Variants in NID1 observed in about 807,000 individuals in gnomAD.
NID1 encodes the protein nidogen 1, also known as nidogen-1.
A neutral mutation model predicts 130.6 loss-of-function variants in NID1; 76 were observed. That is an observed-to-expected ratio of 0.58 (90% CI 0.48 to 0.70). The LOEUF (loss-of-function observed/expected upper bound fraction) is 0.70. Ranked by LOEUF, NID1 falls within the 30% of genes least tolerant of loss-of-function variation. The pLI, the probability that NID1 is intolerant of heterozygous loss-of-function variation, is 0.00. For synonymous variants in NID1, 665 were observed against 675.1 expected, an observed-to-expected ratio of 0.98 and a Z score of 0.23; for missense variants, 1,517 against 1,664.8, an observed-to-expected ratio of 0.91 and a Z score of 1.54.
intron 5 of NID1, among the ~76,000 whole-genome samples, chr1:236,034,976 T>TTC (rs1293568031): frequency 8.8e-6 from 1 of 113,542 alleles, no homozygotes. Context: ...GAGTTTTCTT[T>TTC]TTTTTTTCTT....
At chr1:236,041,478 C>T (rs950489447) in intron 4 of NID1, among the ~76,000 whole-genome samples, 7 of 152,092 alleles carry the variant, frequency 4.6e-5, no homozygotes, top group Admixed American at 1.3e-4. Context: ...ATTCTAATTC[C>T]AAAACCAAGA....
At chr1:235,993,575 G>A (rs1572581884) in intron 13 of NID1, 70 bp downstream of exon 13, 1 of 1,328,242 alleles carries the variant, frequency 7.5e-7, no homozygotes, top group Non-Finnish European at 1.0e-6. Flanking sequence ...AGCAAAGAGC[G>A]TGTTCAGCAA....
chr1:236,012,211 T>C (rs1373097662), intron 11 of NID1, among the ~76,000 whole-genome samples, 168 bp from the exon 12 acceptor site: 1 of 152,166 alleles, frequency 6.6e-6, no homozygotes, highest in Non-Finnish European at 1.5e-5. Flanking sequence ...CTCCCCAATA[T>C]CTATCTGTCG....
intron 1 of NID1, among the ~76,000 whole-genome samples, chr1:236,060,260 T>G (rs1014915525): frequency 1.3e-5 from 2 of 152,158 alleles, no homozygotes; most frequent in East Asian, 3.8e-4. Context: ...TTTCTGACAT[T>G]TCCATGGCAT....
Position 235,980,505 on chromosome 1 carries a change from C to G in NID1, c.3376G>C (p.Val1126Leu). 3 of 1,614,112 alleles carry G rather than the reference C, an allele frequency of 1.9e-6. No individual in the cohort carries two copies. Among genetic ancestry groups the G allele is most frequent in the Non-Finnish European group, 2.5e-6 (3 of 1,179,986 alleles). ...FDAFSSQLCWVDAGTNRAECL... is the reference protein window; with the variant it reads ...FDAFSSQLCWLDAGTNRAECL... ...TCCAGCTTTCCATCACCTGCATCCACCCAGCAGAGCTGAGATGAGAACGCA... is the reference window on the plus strand; with the variant it reads ...TCCAGCTTTCCATCACCTGCATCCAGCCAGCAGAGCTGAGATGAGAACGCA... Residue 1126 changes from valine (V) to leucine (L), a missense_variant, in exon 17 of 20, where the codon GTG becomes CTG. By Grantham distance (32) the Val-to-Leu change is conservative. Transcript: ENST00000264187.
At chr1:236,021,430 G>C (rs555743856) in intron 9 of NID1, among the ~76,000 whole-genome samples, 2 of 152,322 alleles carry the variant, frequency 1.3e-5, no homozygotes, top group African/African-American at 4.8e-5. Flanking sequence ...CTGCCCTCCA[G>C]TATTTCAGAC....
intron 7 of NID1, 41 bp downstream of exon 7, chr1:236,029,509 G>T: frequency 6.5e-7 from 1 of 1,536,026 alleles, no homozygotes; most frequent in Non-Finnish European, 8.8e-7. Flanking sequence ...CGAGGCTAGT[G>T]GCCGGTCTGG....
intron 9 of NID1, 63 bp downstream of exon 9, chr1:236,024,007 A>C: frequency 6.3e-7 from 1 of 1,594,872 alleles, no homozygotes; most frequent in Non-Finnish European, 8.6e-7. Context: ...TGGTTTACAG[A>C]ACGTGGATGC....
intron 3 of NID1, among the ~76,000 whole-genome samples, 176 bp from the exon 4 acceptor site, chr1:236,042,468 T>C (rs535082614): frequency 1.1e-4 from 17 of 152,128 alleles, no homozygotes; most frequent in Admixed American, 2.0e-4. Context: ...GCTGAGGCAG[T>C]CTAGGGCTGT....
intron 15 of NID1, among the ~76,000 whole-genome samples, chr1:235,982,533 G>A (rs1272571472): frequency 6.6e-6 from 1 of 152,100 alleles, no homozygotes; most frequent in Non-Finnish European, 1.5e-5. Context: ...TACAAAGAAG[G>A]GGTGTCAGTG....
chr1:236,024,265 G>A (rs1260411035), intron 8 of NID1, 52 bp from the exon 9 acceptor site: 2 of 1,598,054 alleles, frequency 1.3e-6, no homozygotes, highest in South Asian at 1.1e-5. Flanking sequence ...GCTCTTGCAG[G>A]TTTCCTCCTT....
At chr1:235,993,234 G>A (rs571614902) in intron 13 of NID1, among the ~76,000 whole-genome samples, 1 of 152,336 alleles carries the variant, frequency 6.6e-6, no homozygotes, top group African/African-American at 2.4e-5. Context: ...GAAGGGTTCA[G>A]GTTGGTCCCC....
In NID1 at chr1:236,032,411, G is replaced by C. The variant is rs373686666; in HGVS notation, c.1527C>G (p.Phe509Leu). The change falls in exon 6 of 20, where the codon TTC (phenylalanine) becomes TTG (leucine). Residue 509 changes from phenylalanine (F) to leucine (L), a missense_variant. Coordinates refer to ENST00000264187, the MANE Select transcript of NID1 (RefSeq NM_002508.3). The part of the protein sequence containing the change: ...AVEQDGFKNG[F>L]SITGGEFTRQ... ...TCGGATATAAATTACCGGTGATGCT[G>C]AACCCATTCTTGAATCCGTCCTGCT... is the stretch of plus-strand genomic sequence containing the variant. 57 of 1,613,844 alleles carry C rather than the reference G, an allele frequency of 3.5e-5. No homozygotes were observed. The highest frequency in any genetic ancestry group is 4.8e-5 in the Non-Finnish European group (57 of 1,180,010).
In NID1 at chr1:235,979,064, C is replaced by A. The variant is rs1657354397; in HGVS notation, c.3553G>T (p.Asp1185Tyr). 1 of 1,613,980 alleles carries A rather than the reference C, an allele frequency of 6.2e-7. No individual in the cohort carries two copies. Residue 1185 changes from aspartate (D) to tyrosine (Y), a missense_variant, in exon 19 of 20, where the codon GAT (aspartate) becomes TAT (tyrosine). By Grantham distance (160) the Asp-to-Tyr change is radical. Transcript: ENST00000264187. The surrounding 1 kb of genome is among the most constrained non-coding windows in gnomAD (Gnocchi z 4.6). ...ALDLAISKET[D>Y]AFQPHKQTRL... ...GTCTGCTTGTGGGGTTGGAAAGCAT[C>A]CGTCTCCTTGGAAATTGCAAGATCG... is the stretch of plus-strand genomic sequence containing the variant.
At chr1:236,012,551 G>T (rs1483431437) in intron 11 of NID1, among the ~76,000 whole-genome samples, 2 of 84,686 alleles carry the variant, frequency 2.4e-5, no homozygotes, top group African/African-American at 5.5e-5. Flanking sequence ...AGAGCTAAAT[G>T]CCATCTCAAA....
chr1:235,976,128 C>G lies in NID1; in HGVS notation c.*1739G>C, dbSNP rs1240482665. The G allele has an allele frequency of 6.6e-6, 1 of 152,156 alleles. No individual in the cohort carries two copies. The highest frequency in any genetic ancestry group is 1.9e-4 in the East Asian group (1 of 5,190). The allele number at this position is 152,156 out of a possible 1,614,324, so 9.4% of individuals were successfully genotyped here. Reference sequence around the variant, plus strand: ...GGCTACGTAAAAGACCTACATGGTCCTCGAATCTTGTGATTCTTGGGGCTA... The same window carrying G: ...GGCTACGTAAAAGACCTACATGGTCGTCGAATCTTGTGATTCTTGGGGCTA... On this transcript the variant is annotated 3_prime_UTR_variant, in exon 20 of 20. Transcript: ENST00000264187.
At chr1:236,006,618 A>G (rs541949146) in intron 12 of NID1, among the ~76,000 whole-genome samples, 1 of 152,312 alleles carries the variant, frequency 6.6e-6, no homozygotes, top group Admixed American at 6.5e-5. Context: ...GCAGCACCAA[A>G]CCTACAATGA....
intron 12 of NID1, among the ~76,000 whole-genome samples, chr1:235,996,788 G>C (rs1460057870): frequency 6.6e-6 from 1 of 151,892 alleles, no homozygotes; most frequent in African/African-American, 2.4e-5. Context: ...ATGTTGCCCA[G>C]GCTGGCCTCC....
rs1220755492 is a variant in NID1 at position 236,064,980 on chromosome 1, G to A, written c.100C>T (p.Leu34Phe). Residue 34 changes from leucine to phenylalanine, a missense_variant, in exon 1 of 20, where the codon CTC becomes TTC. By Grantham distance (22) the Leu-to-Phe change is conservative. Around this residue, in one of 3 missense-constraint regions of NID1, gnomAD observed 1,329 missense variants for 1,429.2 expected, o/e 0.93. Transcript: ENST00000264187. ...GPVGCLSRQE[L>F]FPFGPGQGDL... ...CCCTGTCCGGGGCCGAAGGGAAAGA[G>A]CTCCTGGCGGCTCAGGCAGCCCACA... The A allele has an allele frequency of 8.3e-6, 13 of 1,574,140 alleles. No homozygotes were observed. The highest frequency in any genetic ancestry group is 1.4e-5 in the African/African-American group (1 of 73,778).
Sources: gnomAD v4.1 joint callset for allele counts (sites outside exome capture counted in the v4.1 genomes callset) on GRCh38, gnomAD v4.1.1 for gene constraint, gnomAD v4.1.1 regional missense constraint, Gnocchi (gnomAD v3.1) non-coding constraint, MANE v1.5 for transcripts, NCBI Gene and HGNC (gene_info 2026-07-23, HGNC 2026-07-21) for gene names.